DTNB: variants seen among roughly 807,000 people sequenced by gnomAD.
DTNB encodes DTN-B.
In DTNB, 63 loss-of-function variants were observed where a neutral mutation model predicts 90.7. That is an observed-to-expected ratio of 0.69 (90% confidence interval 0.57 to 0.86). The LOEUF is 0.86. DTNB is among the 40% of genes least tolerant of loss of function. The pLI is 0.00. For synonymous variants in DTNB, 277 were observed against 286.7 expected (o/e 0.97, Z 0.34); for missense variants, 744 against 807.1 (o/e 0.92, Z 0.95).
intron 8 of DTNB, among the ~76,000 whole-genome samples, chr2:25,562,025 A>G (rs1265140969): frequency 6.6e-6 from 1 of 152,154 alleles, no homozygotes; most frequent in African/African-American, 2.4e-5. Flanking sequence ...TCATCACTCT[A>G]AAAAAGAAAC....
At chr2:25,477,818 G>A (rs890444311) in intron 10 of DTNB, among the ~76,000 whole-genome samples, 1 of 152,066 alleles carries the variant, frequency 6.6e-6, no homozygotes, top group African/African-American at 2.4e-5. Flanking sequence ...CAGGGACTAT[G>A]AGCCAATCAT....
chr2:25,389,324 G>A (rs569099641), intron 16 of DTNB, among the ~76,000 whole-genome samples: 9 of 152,362 alleles, frequency 5.9e-5, no homozygotes, highest in South Asian at 2.1e-4. Context: ...GAGCATGTGC[G>A]GAGCTCGGCT....
chr2:25,583,262 A>ATAT (rs1553562290), intron 6 of DTNB, among the ~76,000 whole-genome samples: 9 of 137,494 alleles, frequency 6.5e-5, no homozygotes, highest in South Asian at 2.2e-4. Flanking sequence ...AAAAAAAAAA[A>ATAT]ATATATATAT....
chr2:25,640,230 A>G (rs2077957751), intron 2 of DTNB, among the ~76,000 whole-genome samples: 1 of 152,182 alleles, frequency 6.6e-6, no homozygotes, highest in African/African-American at 2.4e-5. Context: ...AGACCACTGT[A>G]GATAGGATTG....
chr2:25,461,976 T>A (rs564120953), intron 10 of DTNB, among the ~76,000 whole-genome samples: 1 of 152,192 alleles, frequency 6.6e-6, no homozygotes, highest in Non-Finnish European at 1.5e-5. Flanking sequence ...AGGCATCCCC[T>A]AGCTCTAAGC....
rs1435885648 is a variant in DTNB, at chr2:25,379,159, T to C, written c.*29+131A>G. On this transcript the variant is annotated intron_variant, in intron 20 of 20. Coordinates refer to ENST00000406818, the MANE Select transcript of DTNB (RefSeq NM_021907.5). ...TGGGGTGGGCAAAGGGAAGGGACAG[T>C]TGGGCTCTTGCATCTTCACCTGTTA... The C allele has an allele frequency of 4.6e-6, 4 of 867,738 alleles. No individual in the cohort carries two copies. The East Asian group carries it at 9.9e-5, about 21-fold the overall frequency. The allele number at this position is 867,738 out of a possible 1,614,324, so 53.8% of individuals were successfully genotyped here. A position where few individuals can be genotyped will look rare whatever the true frequency, so the allele number is the denominator to read the frequency against.
chr2:25,641,429 C>T (rs763144389), intron 2 of DTNB, among the ~76,000 whole-genome samples: 2 of 152,162 alleles, frequency 1.3e-5, no homozygotes, highest in Admixed American at 1.3e-4. Context: ...AGTCCTCATC[C>T]ATTACCTCAA....
At position 25,388,849 on chromosome 2, in the gene DTNB, C is replaced by T. The variant is rs572900882; in HGVS notation, c.1576-488G>A. Among the ~76,000 whole-genome samples the T allele has an allele frequency of 5.5e-5, 8 of 145,088 alleles. No individual in the cohort carries two copies. In the South Asian group the frequency reaches 6.5e-4, roughly 12 times the overall value. On this transcript the variant is annotated intron_variant, in intron 16 of 20. Coordinates refer to ENST00000406818, the MANE Select transcript of DTNB (RefSeq NM_021907.5). ...GTGTGTGTATGTATATATTTATATACGTATATATCTTTTTTGGAGACAGAG... is the reference window on the plus strand; with the variant it reads ...GTGTGTGTATGTATATATTTATATATGTATATATCTTTTTTGGAGACAGAG...
intron 9 of DTNB, among the ~76,000 whole-genome samples, chr2:25,507,591 T>C (rs1575200842): frequency 6.6e-6 from 1 of 152,332 alleles, no homozygotes; most frequent in East Asian, 1.9e-4. Flanking sequence ...CACCTCTTAT[T>C]ACCTCTACTG....
chr2:25,429,565 C>T (rs1234383312), intron 14 of DTNB, among the ~76,000 whole-genome samples: 1 of 152,224 alleles, frequency 6.6e-6, no homozygotes, highest in Admixed American at 6.5e-5. Flanking sequence ...CTTGATTAAG[C>T]ACTACAGTAA....
intron 7 of DTNB, among the ~76,000 whole-genome samples, chr2:25,578,048 T>A (rs2060974888): frequency 6.6e-6 from 1 of 152,050 alleles, no homozygotes; most frequent in Admixed American, 6.6e-5. Flanking sequence ...AATATTCAAA[T>A]CTTCATTGAA....
intron 8 of DTNB, among the ~76,000 whole-genome samples, chr2:25,547,271 C>CTT (rs371065720): frequency 8.1e-6 from 1 of 123,886 alleles, no homozygotes; most frequent in African/African-American, 3.1e-5. Flanking sequence ...CTGTATACTT[C>CTT]TTTTTTTTTT....
rs70947900 is a variant in DTNB, at chr2:25,645,357, C to CA, written c.68-6264dup. ...TGGGTGACAGAGCAAGACTCCATCACAAAAAAAAAAAAAGAAAAAAAAAGA... is the reference window on the plus strand; with the variant it reads ...TGGGTGACAGAGCAAGACTCCATCACAAAAAAAAAAAAAAGAAAAAAAAAGA... On this transcript the variant is annotated intron_variant, in intron 2 of 20. Transcript: ENST00000406818. 6.0e-3 allele frequency among the ~76,000 whole-genome samples: 594 copies of CA among 99,048 alleles called. 2 individuals are homozygous for CA. The highest frequency in any genetic ancestry group is 0.019 in the African/African-American group (425 of 22,292). 65.0% of individuals were successfully genotyped at this position (99,048 alleles called of 152,430 possible). A position where few individuals can be genotyped will look rare whatever the true frequency, so the allele number is the denominator to read the frequency against.
intron 6 of DTNB, among the ~76,000 whole-genome samples, chr2:25,586,251 C>T (rs892915176): frequency 2.0e-5 from 3 of 152,062 alleles, no homozygotes; most frequent in Admixed American, 2.0e-4. Context: ...TGGCTCACAC[C>T]TATAATCCCA....
intron 15 of DTNB, among the ~76,000 whole-genome samples, chr2:25,421,642 T>C (rs1210053697): frequency 6.6e-6 from 1 of 152,206 alleles, no homozygotes; most frequent in Non-Finnish European, 1.5e-5. Context: ...TGGGGAGGGA[T>C]GGGGCAATCC....
Position 25,411,777 on chromosome 2 carries a change from C to T in DTNB, c.1575+7738G>A, listed in dbSNP as rs1277726235. Among the ~76,000 whole-genome samples, 6 of 152,156 alleles carry T rather than the reference C, an allele frequency of 3.9e-5. No homozygotes were observed. In the South Asian group the frequency reaches 6.2e-4, roughly 16 times the overall value. ...ACTATTTGATGGTGGTATTTGTGTA[C>T]GATTTCTCTTTTTATCCTCCAAAAG... On this transcript the variant is annotated intron_variant, in intron 16 of 20. Coordinates refer to ENST00000406818, the MANE Select transcript of DTNB (RefSeq NM_021907.5).
chr2:25,456,235 T>C (rs753490806), intron 10 of DTNB, among the ~76,000 whole-genome samples: 6 of 152,234 alleles, frequency 3.9e-5, no homozygotes, highest in Non-Finnish European at 7.3e-5. Flanking sequence ...CAACATTTTG[T>C]CAATGTTATC....
chr2:25,470,369 ATTTTTT>A (rs71397496), intron 10 of DTNB, among the ~76,000 whole-genome samples: 7 of 132,780 alleles, frequency 5.3e-5, no homozygotes, highest in Non-Finnish European at 8.1e-5. Flanking sequence ...TTACACGACA[ATTTTTT>A]TTTTTTTTTT....
intron 16 of DTNB, among the ~76,000 whole-genome samples, chr2:25,404,756 G>A (rs1469834059): frequency 6.6e-6 from 1 of 152,136 alleles, no homozygotes; most frequent in Non-Finnish European, 1.5e-5. Flanking sequence ...TCGGGAGGCT[G>A]AGGCAGGAGA....
Sources: allele counts gnomAD v4.1 joint callset (sites outside exome capture counted in the v4.1 genomes callset), GRCh38; gene constraint gnomAD v4.1.1; transcripts MANE v1.5; gene names NCBI Gene and HGNC (gene_info 2026-07-23, HGNC 2026-07-21).